Variants in MOXD1 observed in about 807,000 individuals in gnomAD.
MOXD1 encodes monooxygenase DBH like 1, also known as DBH-like monooxygenase protein 1.
MOXD1 carries 62 observed loss-of-function variants against 66.6 expected under a neutral mutation model. The ratio of observed to expected loss-of-function variants is 0.93; its 90% CI spans 0.76 to 1.15. MOXD1 has a LOEUF of 1.15. Among genes scored for constraint, MOXD1 ranks in the 50% most tolerant of loss-of-function variants. The pLI is 0.00. For missense variants in MOXD1, 847 were observed against 754.6 expected, an observed-to-expected ratio of 1.12 and a Z score of -1.44; for synonymous variants, 303 against 281.9, an observed-to-expected ratio of 1.07 and a Z score of -0.75.
At chr6:132,373,481 C>G (rs545113026) in intron 2 of MOXD1, among the ~76,000 whole-genome samples, 2 of 152,162 alleles carry the variant, frequency 1.3e-5, no homozygotes, top group African/African-American at 4.8e-5. Context: ...TAGGCACTAG[C>G]CTAGTCACAC....
intron 1 of MOXD1, among the ~76,000 whole-genome samples, chr6:132,381,455 G>C (rs951072509): frequency 2.7e-5 from 4 of 150,810 alleles, no homozygotes; most frequent in Non-Finnish European, 5.9e-5. Flanking sequence ...AAGAGAAAAA[G>C]GCAAAAAAAA....
At chr6:132,303,494 T>C (rs1441959681) in intron 10 of MOXD1, among the ~76,000 whole-genome samples, 2 of 151,976 alleles carry the variant, frequency 1.3e-5, no homozygotes, top group Non-Finnish European at 2.9e-5. Flanking sequence ...CTACTTTAAA[T>C]TATCTCCAGA....
chr6:132,300,096 A>G (rs912782376), intron 10 of MOXD1, among the ~76,000 whole-genome samples: 1 of 152,132 alleles, frequency 6.6e-6, no homozygotes, highest in Non-Finnish European at 1.5e-5. Flanking sequence ...TACATTTTTC[A>G]TAATTTCCTT....
rs1158339059 is a variant in MOXD1 at position 132,303,835 on chromosome 6, GTATATATATATATATATATATATA to G, written c.1509-5904_1509-5881del. Among the ~76,000 whole-genome samples the G allele has an allele frequency of 6.3e-3, 298 of 47,566 alleles. 5 individuals are homozygous for G. Among genetic ancestry groups the G allele is most frequent in the African/African-American group, 0.021 (273 of 12,834 alleles). 31.2% of individuals were successfully genotyped at this position (47,566 alleles called of 152,430 possible). A position where few individuals can be genotyped will look rare whatever the true frequency, so the allele number is the denominator to read the frequency against. ...TGTGTGTGTGTGTGTGTGTGTGTGT[GTATATATATATATATATATATATA>G]TATATATATATATATATATACATAT... On this transcript the variant is annotated intron_variant, in intron 10 of 11. Coordinates refer to ENST00000367963, the MANE Select transcript of MOXD1 (RefSeq NM_015529.4).
chr6:132,326,837 AC>A (rs1775198845), intron 6 of MOXD1, among the ~76,000 whole-genome samples: 1 of 152,234 alleles, frequency 6.6e-6, no homozygotes, highest in African/African-American at 2.4e-5. Context: ...GAATAGCTTG[AC>A]ACCTACTTTT....
At chr6:132,337,320 C>T (rs1488065687) in intron 4 of MOXD1, among the ~76,000 whole-genome samples, 2 of 152,180 alleles carry the variant, frequency 1.3e-5, no homozygotes, top group Admixed American at 6.5e-5. Context: ...GCATGTGCTA[C>T]CTGAAATTTT....
chr6:132,315,952 A>G (rs1336387115), intron 9 of MOXD1, among the ~76,000 whole-genome samples, 175 bp from the exon 10 acceptor site: 3 of 152,198 alleles, frequency 2.0e-5, no homozygotes, highest in African/African-American at 7.2e-5. Context: ...AAAAATTAAT[A>G]GAATTATTTC....
chr6:132,392,417 T>C, intron 1 of MOXD1: 1 of 1,385,116 alleles, frequency 7.2e-7, no homozygotes, highest in Non-Finnish European at 9.6e-7. Flanking sequence ...CGTTGCTCTC[T>C]TCTCTAATTC....
intron 4 of MOXD1, among the ~76,000 whole-genome samples, chr6:132,338,217 TG>T (rs1387181586): frequency 6.6e-6 from 1 of 152,230 alleles, no homozygotes; most frequent in Non-Finnish European, 1.5e-5. Flanking sequence ...GGATCAAGAA[TG>T]TGCTCCTGAC....
At chr6:132,299,768 T>C (rs758480850) in intron 10 of MOXD1, among the ~76,000 whole-genome samples, 15 of 152,100 alleles carry the variant, frequency 9.9e-5, no homozygotes, top group Non-Finnish European at 2.1e-4. Flanking sequence ...GACTAGAAAG[T>C]ATCTGGCACT....
intron 10 of MOXD1, among the ~76,000 whole-genome samples, chr6:132,299,359 C>T (rs558933913): frequency 2.4e-3 from 368 of 152,228 alleles, no homozygotes; most frequent in Non-Finnish European, 4.7e-3. Flanking sequence ...ATCATTCATA[C>T]TCTAAACCTC....
chr6:132,306,067 G>A (rs1449857471), intron 10 of MOXD1, among the ~76,000 whole-genome samples: 1 of 152,000 alleles, frequency 6.6e-6, no homozygotes, highest in African/African-American at 2.4e-5. Flanking sequence ...AAACTATGCT[G>A]GGCTAAAGAA....
At chr6:132,320,318 G>A (rs1003381626) in intron 9 of MOXD1, among the ~76,000 whole-genome samples, 9 of 152,078 alleles carry the variant, frequency 5.9e-5, no homozygotes, top group Admixed American at 3.9e-4. Flanking sequence ...GACTCAAGCA[G>A]ACAGTCAATT....
At chr6:132,355,118 G>A (rs143087435) in intron 4 of MOXD1, among the ~76,000 whole-genome samples, 1 of 152,216 alleles carries the variant, frequency 6.6e-6, no homozygotes, top group East Asian at 1.9e-4. Flanking sequence ...TCCCTCACCC[G>A]TGGAGTCTGC....
intron 10 of MOXD1, among the ~76,000 whole-genome samples, chr6:132,307,592 A>G (rs559032927): frequency 2.6e-5 from 4 of 152,364 alleles, no homozygotes; most frequent in African/African-American, 9.6e-5. Context: ...CATGGCACTT[A>G]TTCTAAAATC....
At chr6:132,374,923 G>C in intron 1 of MOXD1, 146 bp from the exon 2 acceptor site, 1 of 760,422 alleles carries the variant, frequency 1.3e-6, no homozygotes, top group Non-Finnish European at 2.1e-6. Context: ...TCCAACTGGG[G>C]AATCAGGTCC....
chr6:132,296,831 G>A lies in MOXD1; in HGVS notation c.*322C>T, dbSNP rs117834537. The A allele has an allele frequency of 1.4e-4, 26 of 183,818 alleles. No homozygotes were observed. In the East Asian group the frequency reaches 2.8e-3, roughly 19 times the overall value. 11.4% of individuals were successfully genotyped at this position (183,818 alleles called of 1,614,324 possible). A position where few individuals can be genotyped will look rare whatever the true frequency, so the allele number is the denominator to read the frequency against. On this transcript the variant is annotated 3_prime_UTR_variant, in exon 12 of 12. Transcript: ENST00000367963. ...TCAAAAAGTGAAATAGCAACAATGA[G>A]TATTTAAATAAAACAGAATGTAGTA...
chr6:132,333,260 C>T (rs535764615), intron 4 of MOXD1, among the ~76,000 whole-genome samples: 5 of 143,290 alleles, frequency 3.5e-5, no homozygotes, highest in African/African-American at 1.1e-4. Context: ...GGCGTGAACC[C>T]GGGAGGCAGA....
intron 1 of MOXD1, among the ~76,000 whole-genome samples, chr6:132,399,862 T>G (rs1383225394): frequency 1.3e-5 from 2 of 152,226 alleles, no homozygotes; most frequent in Non-Finnish European, 2.9e-5. Context: ...TAGTGAGGCC[T>G]GCATTTGTGG....
Sources: gnomAD v4.1 joint callset for allele counts (sites outside exome capture counted in the v4.1 genomes callset) on GRCh38, gnomAD v4.1.1 for gene constraint, MANE v1.5 for transcripts, NCBI Gene and HGNC (gene_info 2026-07-23, HGNC 2026-07-21) for gene names.